The following PCDHGA8 variants were observed in gnomAD, a reference collection of about 807,000 sequenced individuals.
The protein encoded by PCDHGA8 is protocadherin gamma-A8.
A neutral mutation model predicts 59.2 loss-of-function variants in PCDHGA8; 45 were observed. The ratio of observed to expected loss-of-function variants is 0.76; its 90% confidence interval spans 0.60 to 0.98. The LOEUF is 0.98. Ranked by LOEUF, PCDHGA8 falls within the 50% of genes least tolerant of loss-of-function variation. The probability of loss-of-function intolerance (pLI) is 0.00; values close to 1 mark genes in which losing one functional copy is unlikely to be tolerated. For synonymous variants in PCDHGA8, 531 were observed against 519.0 expected (o/e 1.02, Z -0.32); for missense variants, 1,257 against 1,196.2 (o/e 1.05, Z -0.75).
Position 141,449,530 on chromosome 5 carries a change from A to G in PCDHGA8, c.2425-45277A>G, listed in dbSNP as rs2098641850. On this transcript the variant is annotated intron_variant, in intron 1 of 3. Transcript: ENST00000398604. ...CTTGAACCTGGGAGGCGGAGGTTGC[A>G]GTGAGCCGAGATCGCACCACTGCAC... Among the ~76,000 whole-genome samples, 4 of 149,684 alleles carry G rather than the reference A, an allele frequency of 2.7e-5. No individual in the cohort carries two copies. The South Asian group carries it at 8.5e-4, about 32-fold the overall frequency.
chr5:141,464,517 G>A lies in PCDHGA8; in HGVS notation c.2425-30290G>A, dbSNP rs1487703873. 2.0e-5 allele frequency among the ~76,000 whole-genome samples: 3 copies of A among 151,862 alleles called. No individual in the cohort carries two copies. In the South Asian group the frequency reaches 6.2e-4, roughly 32 times the overall value. On this transcript the variant is annotated intron_variant, in intron 1 of 3. Transcript: ENST00000398604. ...GTGATTGCTGCATCATAAGGTAAAG[G>A]CATATGTAGTTTTGTTAAATATAGC...
chr5:141,426,310 A>G, intron 1 of PCDHGA8: 1 of 173,588 alleles, frequency 5.8e-6, no homozygotes. Context: ...GAAGCAGAGA[A>G]GCAGGACCCG....
chr5:141,401,171 G>T (rs1222326375), intron 1 of PCDHGA8, among the ~76,000 whole-genome samples: 1 of 152,054 alleles, frequency 6.6e-6, no homozygotes, highest in African/African-American at 2.4e-5. Flanking sequence ...GTGAAAACCC[G>T]TCTCTACTAA....
intron 1 of PCDHGA8, among the ~76,000 whole-genome samples, chr5:141,446,777 C>CTT (rs1480571336): frequency 1.3e-5 from 2 of 152,072 alleles, no homozygotes; most frequent in Non-Finnish European, 2.9e-5. Flanking sequence ...GGTTACCATT[C>CTT]TTTTACTCTG....
Position 141,432,587 on chromosome 5 carries a change from A to C in PCDHGA8, c.2424+37350A>C. ...CGCCTGGCTGTCCTACCGTCTGCTC[A>C]AGGCCAGCGAGCCGGGACTCTTCTC... On this transcript the variant is annotated intron_variant, in intron 1 of 3. Transcript: ENST00000398604. This position sits in a 1 kb window ranked among gnomAD's most constrained non-coding sequence, Gnocchi z 6.0. 1.9e-6 allele frequency: 3 copies of C among 1,613,250 alleles called. No individual in the cohort carries two copies. Among genetic ancestry groups the C allele is most frequent in the Non-Finnish European group, 2.5e-6 (3 of 1,179,918 alleles).
At position 141,487,790 on chromosome 5, in the gene PCDHGA8, C is replaced by T. The variant is rs1360781901; in HGVS notation, c.2425-7017C>T. 6.6e-7 allele frequency: 1 copy of T among 1,511,992 alleles called. No individual in the cohort carries two copies. Among genetic ancestry groups the T allele is most frequent in the Non-Finnish European group, 8.9e-7 (1 of 1,120,458 alleles). The allele number at this position is 1,511,992 out of a possible 1,614,324, so 93.7% of individuals were successfully genotyped here. ...GCTTTGTAACTGTTTCGTGAATTAA[C>T]CAGAGTTGTCACAGTTTAGCATTGG... On this transcript the variant is annotated intron_variant, in intron 1 of 3. Coordinates refer to ENST00000398604, the MANE Select transcript of PCDHGA8 (RefSeq NM_032088.2). This position sits in a 1 kb window ranked among gnomAD's most constrained non-coding sequence, Gnocchi z 5.0.
chr5:141,491,598 C>T lies in PCDHGA8; in HGVS notation c.2425-3209C>T, dbSNP rs1410472886. On this transcript the variant is annotated intron_variant, in intron 1 of 3. Transcript: ENST00000398604. This position sits in a 1 kb window ranked among gnomAD's most constrained non-coding sequence, Gnocchi z 6.9. ...TTTCACCGGCCTCGGACGGCAGTGA[C>T]TTCACTTTTCTAAGACCCCTCAGCG... 1.4e-5 allele frequency: 22 copies of T among 1,613,872 alleles called. No homozygotes were observed. The highest frequency in any genetic ancestry group is 1.8e-5 in the Non-Finnish European group (21 of 1,180,048).
chr5:141,395,400 G>C, intron 1 of PCDHGA8, 163 bp downstream of exon 1: 1 of 859,976 alleles, frequency 1.2e-6, no homozygotes, highest in Non-Finnish European at 1.7e-6. Context: ...AACTCTAATA[G>C]TCATAGGTTA....
In PCDHGA8 at chr5:141,432,012, A is replaced by G. The variant is rs756906117; in HGVS notation, c.2424+36775A>G. ...TTGGATAGGGAACAGGTTCCTAGCT[A>G]CAACATCACAGTGACCGCCACTGAC... On this transcript the variant is annotated intron_variant, in intron 1 of 3. Transcript: ENST00000398604. The surrounding 1 kb of genome is among the most constrained non-coding windows in gnomAD (Gnocchi z 6.0). The G allele has an allele frequency of 1.1e-5, 18 of 1,614,056 alleles. No homozygotes were observed. The highest frequency in any genetic ancestry group is 1.3e-5 in the Non-Finnish European group (15 of 1,180,008).
chr5:141,422,414 A>G (rs2096646645), intron 1 of PCDHGA8: 1 of 1,604,894 alleles, frequency 6.2e-7, no homozygotes, highest in Admixed American at 1.7e-5. Context: ...TTTAAATTAG[A>G]AAAGACTTAT....
chr5:141,476,966 G>A lies in PCDHGA8; in HGVS notation c.2425-17841G>A. ...CAACGGTGAAATTATTTACTCCTTC[G>A]GCAGCCACAACCGCGCCGGCGTGCG... On this transcript the variant is annotated intron_variant, in intron 1 of 3. Transcript: ENST00000398604. This position sits in a 1 kb window ranked among gnomAD's most constrained non-coding sequence, Gnocchi z 7.6. 1 of 1,614,152 alleles carries A rather than the reference G, an allele frequency of 6.2e-7. No individual in the cohort carries two copies. The highest frequency in any genetic ancestry group is 8.5e-7 in the Non-Finnish European group (1 of 1,180,032).
chr5:141,439,579 G>A (rs980322898), intron 1 of PCDHGA8, among the ~76,000 whole-genome samples: 6 of 152,148 alleles, frequency 3.9e-5, no homozygotes, highest in African/African-American at 1.4e-4. Context: ...GGGACTCAGA[G>A]TGCCACTGTT....
At chr5:141,409,885 G>A in intron 1 of PCDHGA8, 1 of 1,613,110 alleles carries the variant, frequency 6.2e-7, no homozygotes. Flanking sequence ...ACGCACCGCG[G>A]GTGCTGTACC....
At chr5:141,510,818 A>C in intron 3 of PCDHGA8, 129 bp from the exon 4 acceptor site, 1 of 1,551,540 alleles carries the variant, frequency 6.4e-7, no homozygotes, top group Non-Finnish European at 8.7e-7. Context: ...TGACCCCTAT[A>C]TTCCCAGTGC....
At position 141,489,545 on chromosome 5, in the gene PCDHGA8, G is replaced by A. The variant is rs1396651116; in HGVS notation, c.2425-5262G>A. On this transcript the variant is annotated intron_variant, in intron 1 of 3. Transcript: ENST00000398604. The surrounding 1 kb of genome is among the most constrained non-coding windows in gnomAD (Gnocchi z 4.5). ...AGCCTATGTGGAGCCAGCACCAGCT[G>A]CCTGCTGCCAGTGCAGGTGGTGACT... 3 of 1,613,984 alleles carry A rather than the reference G, an allele frequency of 1.9e-6. No individual in the cohort carries two copies. The highest frequency in any genetic ancestry group is 2.5e-6 in the Non-Finnish European group (3 of 1,180,022).
Position 141,485,465 on chromosome 5 carries a change from C to T in PCDHGA8, c.2425-9342C>T. ...AATCGACCGAGAGGCACTGTGTGGG[C>T]TCAGTGCCAGCTGCATCGTGCCCCT... On this transcript the variant is annotated intron_variant, in intron 1 of 3. Coordinates refer to ENST00000398604, the MANE Select transcript of PCDHGA8 (RefSeq NM_032088.2). This position sits in a 1 kb window ranked among gnomAD's most constrained non-coding sequence, Gnocchi z 5.7. 6.2e-7 allele frequency: 1 copy of T among 1,614,162 alleles called. No homozygotes were observed.
In PCDHGA8 at chr5:141,409,944, C is replaced by T. The variant is rs779095634; in HGVS notation, c.2424+14707C>T. The T allele has an allele frequency of 6.2e-7, 1 of 1,613,302 alleles. No individual in the cohort carries two copies. The highest frequency in any genetic ancestry group is 1.7e-5 in the Admixed American group (1 of 60,024). On this transcript the variant is annotated intron_variant, in intron 1 of 3. Transcript: ENST00000398604. ...GCGTTCTTCGATATGGTACCTCGCTCTGCAGAGCCCGGCTACCTAGTGACT... is the reference window on the plus strand; with the variant it reads ...GCGTTCTTCGATATGGTACCTCGCTTTGCAGAGCCCGGCTACCTAGTGACT...
chr5:141,403,960 G>C (rs775638627), intron 1 of PCDHGA8: 2 of 1,613,658 alleles, frequency 1.2e-6, no homozygotes, highest in African/African-American at 1.3e-5. Flanking sequence ...TGCTCATTTC[G>C]GTGGAAGATG....
At chr5:141,459,303 T>C (rs1419156629) in intron 1 of PCDHGA8, among the ~76,000 whole-genome samples, 1 of 152,242 alleles carries the variant, frequency 6.6e-6, no homozygotes, top group Non-Finnish European at 1.5e-5. Context: ...CTATAACATA[T>C]ACTATTTTGT....
Sources: allele counts gnomAD v4.1 joint callset (sites outside exome capture counted in the v4.1 genomes callset), GRCh38; gene constraint gnomAD v4.1.1; non-coding constraint Gnocchi (gnomAD v3.1); transcripts MANE v1.5; gene names NCBI Gene and HGNC (gene_info 2026-07-23, HGNC 2026-07-21).